Variants in TXN2 observed in about 807,000 individuals in gnomAD.
The protein encoded by TXN2 is thioredoxin, mitochondrial.
A neutral mutation model predicts 14.6 loss-of-function variants in TXN2; 12 were observed. The ratio of observed to expected loss-of-function variants is 0.82; its 90% CI spans 0.53 to 1.33. The LOEUF is 1.33. Ranked by LOEUF, TXN2 falls within the 40% of genes most tolerant of loss-of-function variation. The pLI, the probability that TXN2 is intolerant of heterozygous loss-of-function variation, is 0.00. For missense variants in TXN2, 173 were observed against 207.7 expected, an observed-to-expected ratio of 0.83 and a Z score of 1.03; for synonymous variants, 89 against 81.0, an observed-to-expected ratio of 1.10 and a Z score of -0.53.
chr22:36,476,623 C>G, intron 3 of TXN2, 110 bp downstream of exon 3: 2 of 1,468,134 alleles, frequency 1.4e-6, no homozygotes, highest in South Asian at 1.3e-5. Context: ...AACCAAGACA[C>G]CTTGCTTACT....
intron 3 of TXN2, among the ~76,000 whole-genome samples, chr22:36,469,597 T>C (rs12159295): frequency 0.17 from 26,301 of 152,166 alleles, 3,082 homozygotes; most frequent in African/African-American, 0.33. Context: ...AGACTGGCAT[T>C]GTGAGGTCTC....
chr22:36,474,874 A>G (rs1194353386), intron 3 of TXN2, among the ~76,000 whole-genome samples: 2 of 152,094 alleles, frequency 1.3e-5, no homozygotes, highest in Non-Finnish European at 2.9e-5. Flanking sequence ...TTCTCCAGGT[A>G]GTGGTCTCCA....
chr22:36,467,789 A>G lies in TXN2; in HGVS notation c.*15T>C. The G allele has an allele frequency of 6.2e-7, 1 of 1,605,914 alleles. No individual in the cohort carries two copies. The highest frequency in any genetic ancestry group is 2.2e-5 in the East Asian group (1 of 44,830). On this transcript the variant is annotated 3_prime_UTR_variant, in exon 4 of 4. Coordinates refer to ENST00000216185, the MANE Select transcript of TXN2 (RefSeq NM_012473.4). ...GTCCCACGCGGGCAAGGGAACCAGG[A>G]CTCATCCCTGCTTGTCAGCCAATCA...
At position 36,467,461 on chromosome 22, in the gene TXN2, G is replaced by A. The variant is rs1216284499; in HGVS notation, c.*343C>T. 1 of 244,626 alleles carries A rather than the reference G, an allele frequency of 4.1e-6. No homozygotes were observed. The highest frequency in any genetic ancestry group is 4.9e-5 in the Admixed American group (1 of 20,292). 15.2% of individuals were successfully genotyped at this position (244,626 alleles called of 1,614,324 possible). A position where few individuals can be genotyped will look rare whatever the true frequency, so the allele number is the denominator to read the frequency against. ...CCAGGCACGAGGTTTCAGATTGGAA[G>A]GGACCAAGATGAGGACCAAGGTGTG... On this transcript the variant is annotated 3_prime_UTR_variant, in exon 4 of 4. Coordinates refer to ENST00000216185, the MANE Select transcript of TXN2 (RefSeq NM_012473.4).
At chr22:36,470,510 TG>T in intron 3 of TXN2, among the ~76,000 whole-genome samples, 1 of 152,344 alleles carries the variant, frequency 6.6e-6, no homozygotes, top group East Asian at 1.9e-4. Flanking sequence ...GGCTCCCACC[TG>T]CACACTGTCC....
Position 36,469,140 on chromosome 22 carries a change from C to A in TXN2, c.388-1223G>T, listed in dbSNP as rs183798864. Among the ~76,000 whole-genome samples, 421 of 152,356 alleles carry A rather than the reference C, an allele frequency of 2.8e-3. 2 individuals are homozygous for A. Among genetic ancestry groups the A allele is most frequent in the Non-Finnish European group, 4.7e-3 (322 of 68,036 alleles). On this transcript the variant is annotated intron_variant, in intron 3 of 3. Coordinates refer to ENST00000216185, the MANE Select transcript of TXN2 (RefSeq NM_012473.4). Reference sequence around the variant, plus strand: ...CTCCTACCAGCCAGGTGAGCTGGGGCACGCCCCTCAGTCACTAAGCCTCAG... The same window carrying A: ...CTCCTACCAGCCAGGTGAGCTGGGGAACGCCCCTCAGTCACTAAGCCTCAG...
chr22:36,474,475 G>A (rs900058991), intron 3 of TXN2, among the ~76,000 whole-genome samples: 3 of 152,178 alleles, frequency 2.0e-5, no homozygotes, highest in African/African-American at 7.2e-5. Context: ...GGTCTAGTAA[G>A]AGTGAAACCT....
At chr22:36,474,269 T>C (rs1933342333) in intron 3 of TXN2, among the ~76,000 whole-genome samples, 1 of 152,156 alleles carries the variant, frequency 6.6e-6, no homozygotes, top group South Asian at 2.1e-4. Context: ...AGTGGTCACC[T>C]GTAGTGGCCA....
chr22:36,470,062 C>T (rs1006916908), intron 3 of TXN2, among the ~76,000 whole-genome samples: 2 of 152,204 alleles, frequency 1.3e-5, no homozygotes, highest in Admixed American at 1.3e-4. Flanking sequence ...ACAAACATAC[C>T]AGGTCTTCAC....
chr22:36,479,488 C>T (rs947144553), intron 2 of TXN2, among the ~76,000 whole-genome samples: 2 of 152,008 alleles, frequency 1.3e-5, no homozygotes, highest in Non-Finnish European at 2.9e-5. Flanking sequence ...CCCGCCACCA[C>T]GCCCGATTAA....
chr22:36,468,256 C>T (rs1933200976), intron 3 of TXN2, among the ~76,000 whole-genome samples: 6 of 152,158 alleles, frequency 3.9e-5, no homozygotes, highest in Admixed American at 3.3e-4. Context: ...CAGGGAGGAG[C>T]TCAGGGGAAG....
intron 3 of TXN2, among the ~76,000 whole-genome samples, chr22:36,471,629 A>G (rs1453856944): frequency 1.3e-5 from 2 of 152,206 alleles, no homozygotes; most frequent in Admixed American, 1.3e-4. Context: ...GGATCATTTT[A>G]ACGATGAGAA....
chr22:36,469,061 A>AATAAATAAATAC (rs148905063), intron 3 of TXN2, among the ~76,000 whole-genome samples: 2 of 151,072 alleles, frequency 1.3e-5, no homozygotes, highest in African/African-American at 4.9e-5. Flanking sequence ...TAAATAAATA[A>AATAAATAAATAC]ATAAATAAAT....
At chr22:36,471,896 G>T (rs564741672) in intron 3 of TXN2, among the ~76,000 whole-genome samples, 7 of 152,118 alleles carry the variant, frequency 4.6e-5, no homozygotes, top group African/African-American at 1.7e-4. Flanking sequence ...CTTGAATGCG[G>T]GAGATGGAGG....
Position 36,473,028 on chromosome 22 carries a change from C to T in TXN2, c.387+3705G>A, listed in dbSNP as rs542975570. Among the ~76,000 whole-genome samples the T allele has an allele frequency of 3.9e-5, 6 of 152,230 alleles. No homozygotes were observed. The South Asian group carries it at 6.2e-4, about 16-fold the overall frequency. ...TTGTTAGAAATGCAGTCTTGGTGGCCGGGCGCGGTGGCTCATGCCTGTAAT... is the reference window on the plus strand; with the variant it reads ...TTGTTAGAAATGCAGTCTTGGTGGCTGGGCGCGGTGGCTCATGCCTGTAAT... On this transcript the variant is annotated intron_variant, in intron 3 of 3. Coordinates refer to ENST00000216185, the MANE Select transcript of TXN2 (RefSeq NM_012473.4).
intron 2 of TXN2, 40 bp from the exon 3 acceptor site, chr22:36,476,896 A>G: frequency 6.2e-7 from 1 of 1,613,294 alleles, no homozygotes; most frequent in Non-Finnish European, 8.5e-7. Context: ...CAGTCAAAAG[A>G]GCGCTCAGCA....
chr22:36,480,610 G>T lies in TXN2; in HGVS notation c.228C>A (p.Asn76Lys). 1.9e-6 allele frequency: 3 copies of T among 1,614,086 alleles called. No individual in the cohort carries two copies. The highest frequency in any genetic ancestry group is 2.5e-6 in the Non-Finnish European group (3 of 1,180,024). Residue 76 changes from asparagine to lysine, a missense_variant, in exon 2 of 4, where the codon AAC becomes AAA. By Grantham distance (94) the Asn-to-Lys change is moderately conservative (BLOSUM62 0). Coordinates refer to ENST00000216185, the MANE Select transcript of TXN2 (RefSeq NM_012473.4). ...AATCCACAACCACTGGTGTCTCACT[G>T]TTGACCACTCGGTCTTGAAAGTCAG... is the stretch of plus-strand genomic sequence containing the variant. ...DGPDFQDRVV[N>K]SETPVVVDFH...
At chr22:36,475,345 T>C (rs1933365290) in intron 3 of TXN2, among the ~76,000 whole-genome samples, 1 of 152,190 alleles carries the variant, frequency 6.6e-6, no homozygotes, top group Admixed American at 6.5e-5. Flanking sequence ...GCCACTGCAC[T>C]CCAGCTTGGG....
rs1037744353 is a variant in TXN2 at position 36,469,959 on chromosome 22, C to A, written c.388-2042G>T. 5.9e-5 allele frequency among the ~76,000 whole-genome samples: 9 copies of A among 152,036 alleles called. No individual in the cohort carries two copies. In the East Asian group the frequency reaches 1.3e-3, roughly 23 times the overall value. The stretch of plus-strand genomic sequence containing the variant: ...CGACAGAGCAAGACTCTGTTCCCCC[C>A]CTCAAAATAAATAAATAAAAATAAA... On this transcript the variant is annotated intron_variant, in intron 3 of 3. Transcript: ENST00000216185.
Sources: gnomAD v4.1 joint callset for allele counts (sites outside exome capture counted in the v4.1 genomes callset) on GRCh38, gnomAD v4.1.1 for gene constraint, MANE v1.5 for transcripts, NCBI Gene and HGNC (gene_info 2026-07-23, HGNC 2026-07-21) for gene names.